Variants in FBXW11 observed in about 807,000 individuals in gnomAD.
FBXW11 encodes the protein F-box and WD repeat domain containing 11, also known as F-box/WD repeat-containing protein 11.
Under a neutral mutation model 77.6 loss-of-function variants are expected in FBXW11, and 19 were observed. That is an observed-to-expected ratio of 0.24 (90% CI 0.17 to 0.36). The LOEUF is 0.36. Among genes scored for constraint, FBXW11 ranks in the 10% least tolerant of loss-of-function variants. The probability of loss-of-function intolerance (pLI) is 1.00; values close to 1 mark genes in which losing one functional copy is unlikely to be tolerated. For missense variants in FBXW11, 334 were observed against 704.2 expected (o/e 0.47, Z 5.95); for synonymous variants, 235 against 249.4 (o/e 0.94, Z 0.54).
chr5:171,872,999 C>T lies in FBXW11; in HGVS notation c.1222-9G>A. ...GTGCTCGTGCTCCAGACCTGTATAA[C>T]AAATTAACAGTATTTTAAAGAATGA... On this transcript the variant is annotated splice_polypyrimidine_tract_variant and intron_variant, in intron 9 of 13. Coordinates refer to ENST00000517395, the MANE Select transcript of FBXW11 (RefSeq NM_001378974.1). 1.2e-6 allele frequency: 2 copies of T among 1,603,786 alleles called. No individual in the cohort carries two copies. Among genetic ancestry groups the T allele is most frequent in the Admixed American group, 1.7e-5 (1 of 59,698 alleles).
chr5:171,965,114 C>T (rs1476207170), intron 1 of FBXW11, among the ~76,000 whole-genome samples: 2 of 152,178 alleles, frequency 1.3e-5, no homozygotes, highest in South Asian at 2.1e-4. Flanking sequence ...GATTCAAGAA[C>T]AGCCCAAAAG....
rs775639820 is a variant in FBXW11 at position 171,869,776 on chromosome 5, G to A, written c.1483C>T (p.Leu495Phe). ...KIKVWDLQAA[L>F]DPRAPASTLC... Reference sequence around the variant, plus strand: ...GTGCTTGCTGGGGCTCGAGGGTCAAGAGCAGCTTGCAAGTCCCAAACTTTA... The same window carrying A: ...GTGCTTGCTGGGGCTCGAGGGTCAAAAGCAGCTTGCAAGTCCCAAACTTTA... Residue 495 changes from leucine (L) to phenylalanine (F), a missense_variant, in exon 12 of 14, where the codon CTT becomes TTT. By Grantham distance (22) the Leu-to-Phe change is conservative (BLOSUM62 0). Around this residue, in one of 10 missense-constraint regions of FBXW11, gnomAD observed 30 missense variants for 50.7 expected, o/e 0.59. Transcript: ENST00000517395. This position sits in a 1 kb window ranked among gnomAD's most constrained non-coding sequence, Gnocchi z 4.1. 1.9e-6 allele frequency: 3 copies of A among 1,611,158 alleles called. No individual in the cohort carries two copies. Among genetic ancestry groups the A allele is most frequent in the Non-Finnish European group, 8.5e-7 (1 of 1,178,436 alleles).
At chr5:171,950,942 G>A (rs1219542657) in intron 2 of FBXW11, among the ~76,000 whole-genome samples, 8 of 151,988 alleles carry the variant, frequency 5.3e-5, no homozygotes, top group African/African-American at 1.7e-4. Context: ...AATTCTGATA[G>A]TTGTCAGATT....
chr5:171,943,608 G>A (rs959357589), intron 2 of FBXW11, among the ~76,000 whole-genome samples: 7 of 152,108 alleles, frequency 4.6e-5, no homozygotes, highest in African/African-American at 9.7e-5. Flanking sequence ...ACAGGCATGC[G>A]CCACCACACC....
At chr5:171,997,639 G>A (rs922341795) in intron 1 of FBXW11, among the ~76,000 whole-genome samples, 12 of 152,102 alleles carry the variant, frequency 7.9e-5, no homozygotes, top group Admixed American at 7.2e-4. Flanking sequence ...GGCCAGTCCC[G>A]TACAATGGCC....
At chr5:171,985,215 T>G (rs2113516814) in intron 1 of FBXW11, among the ~76,000 whole-genome samples, 1 of 152,278 alleles carries the variant, frequency 6.6e-6, no homozygotes, top group Non-Finnish European at 1.5e-5. Context: ...TAAAGCATCC[T>G]CTAATCTGAC....
intron 1 of FBXW11, among the ~76,000 whole-genome samples, chr5:171,986,861 A>T (rs1408652759): frequency 6.6e-6 from 1 of 152,208 alleles, no homozygotes; most frequent in Non-Finnish European, 1.5e-5. Context: ...GACTGGTATC[A>T]GTCTGTGACC....
At chr5:171,995,917 CAGAA>C (rs1351151844) in intron 1 of FBXW11, among the ~76,000 whole-genome samples, 3 of 152,054 alleles carry the variant, frequency 2.0e-5, no homozygotes, top group African/African-American at 4.8e-5. Context: ...TGTAGTAAGA[CAGAA>C]AGAGTCAGAG....
intron 7 of FBXW11, among the ~76,000 whole-genome samples, chr5:171,881,862 G>A (rs1758528861): frequency 6.6e-6 from 1 of 152,120 alleles, no homozygotes; most frequent in Admixed American, 6.5e-5. Context: ...TTGTAAACAG[G>A]GAGTTGATCA....
rs1561640265 is a variant in FBXW11, at chr5:171,878,591, T to TGTGTGTGTG, written c.853-463_853-462insCACACACAC. Among the ~76,000 whole-genome samples, 603 of 95,516 alleles carry TGTGTGTGTG rather than the reference T, an allele frequency of 6.3e-3. 10 individuals carry two copies. Among genetic ancestry groups the TGTGTGTGTG allele is most frequent in the Middle Eastern group, 0.019 (4 of 210 alleles). The allele number at this position is 95,516 out of a possible 152,430, so 62.7% of individuals were successfully genotyped here. On this transcript the variant is annotated intron_variant, in intron 7 of 13. Transcript: ENST00000517395. ...GTGTGTGTGTGTGTGTGTGTGTGTG[T>TGTGTGTGTG]AAGAGAGAGAGAGTGTGTGTGTGTG...
At chr5:171,981,005 A>G (rs1229751122) in intron 1 of FBXW11, among the ~76,000 whole-genome samples, 1 of 152,110 alleles carries the variant, frequency 6.6e-6, no homozygotes, top group Non-Finnish European at 1.5e-5. Context: ...CATGATCCAA[A>G]TTTTCACTGC....
intron 9 of FBXW11, among the ~76,000 whole-genome samples, chr5:171,874,865 G>C (rs1329109224): frequency 3.3e-5 from 5 of 151,096 alleles, no homozygotes; most frequent in Admixed American, 3.3e-4. Flanking sequence ...GGGACTGCTT[G>C]AGCCCAGGAG....
chr5:171,979,863 C>T (rs752907996), intron 1 of FBXW11, among the ~76,000 whole-genome samples: 4 of 152,212 alleles, frequency 2.6e-5, no homozygotes, highest in African/African-American at 7.2e-5. Flanking sequence ...TATAACCTGA[C>T]ATGTCCACCC....
chr5:171,890,123 C>T (rs568967453), intron 7 of FBXW11, among the ~76,000 whole-genome samples: 17 of 152,134 alleles, frequency 1.1e-4, no homozygotes, highest in Non-Finnish European at 2.1e-4. Flanking sequence ...TCACTATCAT[C>T]ACTGGGGAAA....
chr5:171,885,516 C>T (rs1758821296), intron 7 of FBXW11, among the ~76,000 whole-genome samples: 1 of 152,178 alleles, frequency 6.6e-6, no homozygotes. Context: ...TCTCCTGTGA[C>T]CTCACTTCTC....
chr5:171,872,725 C>T, intron 10 of FBXW11, 147 bp downstream of exon 10: 1 of 641,072 alleles, frequency 1.6e-6, no homozygotes, highest in Non-Finnish European at 2.8e-6. Flanking sequence ...GTATACAGAG[C>T]CCAAATACAT....
At chr5:171,975,159 C>G (rs1764758617) in intron 1 of FBXW11, among the ~76,000 whole-genome samples, 1 of 152,088 alleles carries the variant, frequency 6.6e-6, no homozygotes, top group Non-Finnish European at 1.5e-5. Context: ...TGGAGAGGTA[C>G]AAGACCTGCT....
chr5:171,990,851 G>A (rs1318223852), intron 1 of FBXW11, among the ~76,000 whole-genome samples: 1 of 152,006 alleles, frequency 6.6e-6, no homozygotes, highest in Non-Finnish European at 1.5e-5. Flanking sequence ...CACTTTTTGA[G>A]TCTTGCTCTA....
chr5:171,905,598 CCTT>C (rs1760448374), intron 4 of FBXW11, among the ~76,000 whole-genome samples: 1 of 102,324 alleles, frequency 9.8e-6, no homozygotes, highest in East Asian at 4.1e-4. Flanking sequence ...AACCCCCCCC[CCTT>C]TATTTTCTTG....
Sources: gnomAD v4.1 joint callset for allele counts (sites outside exome capture counted in the v4.1 genomes callset) on GRCh38, gnomAD v4.1.1 for gene constraint, gnomAD v4.1.1 regional missense constraint, Gnocchi (gnomAD v3.1) non-coding constraint, MANE v1.5 for transcripts, NCBI Gene and HGNC (gene_info 2026-07-23, HGNC 2026-07-21) for gene names.